The following KRT9 variants were observed in gnomAD, a reference collection of about 807,000 sequenced individuals.
KRT9 encodes keratin 9, also known as keratin, type I cytoskeletal 9.
A neutral mutation model predicts 51.4 loss-of-function variants in KRT9; 34 were observed. The ratio of observed to expected loss-of-function variants is 0.66; its 90% CI spans 0.50 to 0.88. The LOEUF is 0.88. Among genes scored for constraint, KRT9 ranks in the 40% least tolerant of loss-of-function variants. The pLI, the probability that KRT9 is intolerant of heterozygous loss-of-function variation, is 0.00. For synonymous variants in KRT9, 292 were observed against 289.7 expected, an observed-to-expected ratio of 1.01 and a Z score of -0.08; for missense variants, 753 against 790.3, an observed-to-expected ratio of 0.95 and a Z score of 0.57.
rs1218715941 is a variant in KRT9 at position 41,571,709 on chromosome 17, C to T, written c.284G>A (p.Arg95Lys). The change falls in exon 1 of 8, where the codon AGA becomes AAA. Residue 95 changes from arginine (R) to lysine (K), a missense_variant. This residue lies in a region of KRT9 where 241 missense variants were observed against 210.3 expected (regional missense o/e 1.15). Transcript: ENST00000246662. ...SLGGGFGGGS[R>K]GFGGASGGGY... ...TCCTCCAGAAGCACCACCAAAACCTCTGGAACCACCCCCAAAGCCACCGCC... is the reference window on the plus strand; with the variant it reads ...TCCTCCAGAAGCACCACCAAAACCTTTGGAACCACCCCCAAAGCCACCGCC... 7.5e-6 allele frequency: 12 copies of T among 1,610,612 alleles called. No homozygotes were observed. Among genetic ancestry groups the T allele is most frequent in the Non-Finnish European group, 1.0e-5 (12 of 1,178,472 alleles).
chr17:41,570,273 G>A (rs1361649501), intron 1 of KRT9, 53 bp from the exon 2 acceptor site: 5 of 1,495,602 alleles, frequency 3.3e-6, no homozygotes, highest in Non-Finnish European at 2.8e-6. Flanking sequence ...ACTGCTGAGA[G>A]GGCAAGAGGC....
Position 41,571,637 on chromosome 17 carries a change from GAACCACCACCAAAGCCACCTCCAA to G in KRT9, c.332_355del (p.Phe111_Gly118del). ...ATAGCCACCACCAAAGCCACCTCCA[GAACCACCACCAAAGCCACCTCCAA>G]AACCCCCAGAACTACTATAGCCTCC... is the stretch of plus-strand genomic sequence containing the variant. On this transcript the variant is annotated inframe_deletion, in exon 1 of 8. Coordinates refer to ENST00000246662, the MANE Select transcript of KRT9 (RefSeq NM_000226.4). The G allele has an allele frequency of 1.2e-6, 2 of 1,603,588 alleles. No homozygotes were observed. Among genetic ancestry groups the G allele is most frequent in the Non-Finnish European group, 1.7e-6 (2 of 1,175,070 alleles).
chr17:41,569,953 A>G lies in KRT9; in HGVS notation c.788T>C (p.Val263Ala), dbSNP rs750506189. The part of the protein sequence containing the change: ...VDADINGLRQ[V>A]LDNLTMEKSD... ...CTTCTCCATGGTCAGATTGTCCAGC[A>G]CCTGCCGCAGGCCATTGATGTCAGC... Residue 263 changes from valine (V) to alanine (A), a missense_variant, in exon 3 of 8, where the codon GTG (valine) becomes GCG (alanine). Val to Ala is a moderately conservative substitution (Grantham distance 64, BLOSUM62 0). Transcript: ENST00000246662. 1.9e-6 allele frequency: 3 copies of G among 1,612,986 alleles called. No homozygotes were observed. The Admixed American group carries it at 5.0e-5, about 27-fold the overall frequency.
Position 41,567,275 on chromosome 17 carries a change from AG to A in KRT9, c.1869del (p.Ter624SerfsTer?), listed in dbSNP as rs1285364339. On this transcript the variant is annotated frameshift_variant, in exon 7 of 8. Transcript: ENST00000246662. LOFTEE classifies it low-confidence loss of function (END_TRUNC). ...TCACCAGATTTTGAGGAAGAAGACT[AG>A]GAATGGGATGATTTTCCGCTTCCTC... The part of the protein sequence containing the change: ...YGGGSGKSSH[S>X] 1 of 1,613,924 alleles carries A rather than the reference AG, an allele frequency of 6.2e-7. No homozygotes were observed. Among genetic ancestry groups the A allele is most frequent in the African/African-American group, 1.3e-5 (1 of 74,852 alleles).
Position 41,571,471 on chromosome 17 carries a change from T to G in KRT9, c.522A>C (p.Leu174=). 6.2e-7 allele frequency: 1 copy of G among 1,614,000 alleles called. No homozygotes were observed. Among genetic ancestry groups the G allele is most frequent in the Non-Finnish European group, 8.5e-7 (1 of 1,179,982 alleles). Residue 174 remains leucine (L), a synonymous_variant, in exon 1 of 8, where the codon CTA becomes CTC. Transcript: ENST00000246662. ...LASYLDKVQA[L]EEANNDLENK... Reference sequence around the variant, plus strand: ...TCTCCAGGTCGTTGTTGGCCTCCTCTAGAGCCTGCACCTTATCCAAGTAAG... The same window carrying G: ...TCTCCAGGTCGTTGTTGGCCTCCTCGAGAGCCTGCACCTTATCCAAGTAAG...
chr17:41,570,198 T>C lies in KRT9; in HGVS notation c.665A>G (p.Asn222Ser). Residue 222 changes from asparagine (N) to serine (S), a missense_variant, in exon 2 of 8, where the codon AAC becomes AGC. Around this residue, in one of 3 missense-constraint regions of KRT9, gnomAD observed 507 missense variants for 563.7 expected, o/e 0.90. Coordinates refer to ENST00000246662, the MANE Select transcript of KRT9 (RefSeq NM_000226.4). ...KDQIVDLTVG[N>S]NKTLLDIDNT... ...GTCAATGTCCAGGAGAGTTTTGTTGTTGCCCACTGTCAGGTCCACAATCTG... is the reference window on the plus strand; with the variant it reads ...GTCAATGTCCAGGAGAGTTTTGTTGCTGCCCACTGTCAGGTCCACAATCTG... The C allele has an allele frequency of 1.2e-6, 2 of 1,614,098 alleles. No homozygotes were observed.
intron 7 of KRT9, among the ~76,000 whole-genome samples, chr17:41,566,383 T>TG (rs912016482): frequency 2.6e-5 from 4 of 152,172 alleles, no homozygotes; most frequent in Non-Finnish European, 5.9e-5. Flanking sequence ...AGTCTGAGGA[T>TG]GGGGGGCTTA....
In KRT9 at chr17:41,571,675, A is replaced by G. The variant is rs763644429; in HGVS notation, c.318T>C (p.Ser106=). Residue 106 remains serine, a synonymous_variant, in exon 1 of 8, where the codon AGT becomes AGC. Transcript: ENST00000246662. ...AGCCACCTCCAAAACCCCCAGAACT[A>G]CTATAGCCTCCTCCAGAAGCACCAC... The part of the protein sequence containing the change: ...GFGGASGGGY[S]SSGGFGGGFG... 6.2e-7 allele frequency: 1 copy of G among 1,604,588 alleles called. No homozygotes were observed. The highest frequency in any genetic ancestry group is 1.1e-5 in the South Asian group (1 of 89,950).
In KRT9 at chr17:41,567,404, C is replaced by T; in HGVS notation, c.1741G>A (p.Gly581Arg). 2 of 1,584,472 alleles carry T rather than the reference C, an allele frequency of 1.3e-6. No individual in the cohort carries two copies. Among genetic ancestry groups the T allele is most frequent in the African/African-American group, 1.3e-5 (1 of 74,194 alleles). The change falls in exon 7 of 8, where the codon GGA (glycine) becomes AGA (arginine). Residue 581 changes from glycine (G) to arginine (R), a missense_variant. Coordinates refer to ENST00000246662, the MANE Select transcript of KRT9 (RefSeq NM_000226.4). ...GYGGGSGSRG[G>R]SGGSHGGGSG... ...CCTCCACCATGGCTGCCTCCACTTC[C>T]TCCCCTGGACCCACTTCCTCCACCA...
chr17:41,569,936 T>C lies in KRT9; in HGVS notation c.805A>G (p.Met269Val), dbSNP rs765015206. 3.1e-6 allele frequency: 5 copies of C among 1,614,080 alleles called. No individual in the cohort carries two copies. The highest frequency in any genetic ancestry group is 1.3e-5 in the African/African-American group (1 of 74,932). ...GLRQVLDNLT[M>V]EKSDLEMQYE... ...TGCATCTCCAGGTCAGACTTCTCCA[T>C]GGTCAGATTGTCCAGCACCTGCCGC... Residue 269 changes from methionine (M) to valine (V), a missense_variant, in exon 3 of 8, where the codon ATG (methionine) becomes GTG (valine). Transcript: ENST00000246662.
rs760052508 is a variant in KRT9 at position 41,568,622 on chromosome 17, G to A, written c.1056C>T (p.Ile352=). The change falls in exon 5 of 8, where the codon ATC becomes ATT. Residue 352 remains isoleucine (I), a synonymous_variant. Coordinates refer to ENST00000246662, the MANE Select transcript of KRT9 (RefSeq NM_000226.4). ...ENQYETQITQ[I]EHEVSSSGQE... ...GACCACTACTGGATACCTCATGCTCGATCTGGGTTATCTGCAAAACCAAAG... is the reference window on the plus strand; with the variant it reads ...GACCACTACTGGATACCTCATGCTCAATCTGGGTTATCTGCAAAACCAAAG... 32 of 1,613,990 alleles carry A rather than the reference G, an allele frequency of 2.0e-5. No individual in the cohort carries two copies. The East Asian group carries it at 3.3e-4, about 17-fold the overall frequency.
At position 41,571,848 on chromosome 17, in the gene KRT9, A is replaced by G; in HGVS notation, c.145T>C (p.Ser49Pro). 6.2e-7 allele frequency: 1 copy of G among 1,612,020 alleles called. No homozygotes were observed. The highest frequency in any genetic ancestry group is 8.5e-7 in the Non-Finnish European group (1 of 1,178,912). ...GGGGGGGRFS[S>P]SSGYGGGSSR... Reference sequence around the variant, plus strand: ...CTTCCCCCACCATAGCCACTAGAAGAGCTGAATCGGCCCCCTCCTCCACCG... The same window carrying G: ...CTTCCCCCACCATAGCCACTAGAAGGGCTGAATCGGCCCCCTCCTCCACCG... The change falls in exon 1 of 8, where the codon TCT (serine) becomes CCT (proline). Residue 49 changes from serine to proline, a missense_variant. Transcript: ENST00000246662.
Position 41,567,293 on chromosome 17 carries a change from C to T in KRT9, c.1852G>A (p.Gly618Arg), listed in dbSNP as rs776803750. 9.9e-6 allele frequency: 16 copies of T among 1,614,072 alleles called. No individual in the cohort carries two copies. The highest frequency in any genetic ancestry group is 1.2e-5 in the Non-Finnish European group (14 of 1,180,030). Residue 618 changes from glycine to arginine, a missense_variant, in exon 7 of 8, where the codon GGA (glycine) becomes AGA (arginine). Around this residue, in one of 3 missense-constraint regions of KRT9, gnomAD observed 507 missense variants for 563.7 expected, o/e 0.90. Coordinates refer to ENST00000246662, the MANE Select transcript of KRT9 (RefSeq NM_000226.4). ...GSGGGYGGGS[G>R]KSSHS ...GAAGACTAGGAATGGGATGATTTTC[C>T]GCTTCCTCCTCCGTAGCCGCCACCA...
intron 3 of KRT9, 118 bp from the exon 4 acceptor site, chr17:41,569,705 C>T: frequency 1.4e-6 from 2 of 1,479,658 alleles, no homozygotes; most frequent in South Asian, 2.3e-5. Context: ...AGCCAAAGCC[C>T]AACCACTACC....
Position 41,568,247 on chromosome 17 carries a change from A to G in KRT9, c.1309T>C (p.Tyr437His), listed in dbSNP as rs1440651179. 1.2e-6 allele frequency: 2 copies of G among 1,614,094 alleles called. No individual in the cohort carries two copies. Among genetic ancestry groups the G allele is most frequent in the Non-Finnish European group, 1.7e-6 (2 of 1,180,022 alleles). Residue 437 changes from tyrosine to histidine, a missense_variant, in exon 6 of 8, where the codon TAC becomes CAC. Transcript: ENST00000246662. ...ATCTTAATGCTGAGCAGAAGGCTGTATTCCTGATTCTGGCACTCGATCTCT... is the reference window on the plus strand; with the variant it reads ...ATCTTAATGCTGAGCAGAAGGCTGTGTTCCTGATTCTGGCACTCGATCTCT... The part of the protein sequence containing the change: ...RQEIECQNQE[Y>H]SLLLSIKMRL...
Position 41,571,942 on chromosome 17 carries a change from AC to A in KRT9, c.50del (p.Gly17ValfsTer12). 4 of 1,557,556 alleles carry A rather than the reference AC, an allele frequency of 2.6e-6. No homozygotes were observed. The highest frequency in any genetic ancestry group is 3.5e-6 in the Non-Finnish European group (4 of 1,153,944). ...SSSYLSRSGG[G>X]GGGGLGSGGS... ...CCCCGCTGCCCAGGCCGCCCCCGCCACCCCCGCCGCTGCGGCTCAAGTAGGA... is the reference window on the plus strand; with the variant it reads ...CCCCGCTGCCCAGGCCGCCCCCGCCACCCCGCCGCTGCGGCTCAAGTAGGA... On this transcript the variant is annotated frameshift_variant, in exon 1 of 8. Coordinates refer to ENST00000246662, the MANE Select transcript of KRT9 (RefSeq NM_000226.4). LOFTEE classifies it high-confidence loss of function.
rs1407417785 is a variant in KRT9, at chr17:41,571,541, G to A, written c.452C>T (p.Ala151Val). Residue 151 changes from alanine (A) to valine (V), a missense_variant, in exon 1 of 8, where the codon GCT (alanine) becomes GTT (valine). Physicochemically the swap from Ala to Val is moderately conservative, Grantham distance 64. Around this residue, in one of 3 missense-constraint regions of KRT9, gnomAD observed 241 missense variants for 210.3 expected, o/e 1.15. Transcript: ENST00000246662. ...AGGGDGGILT[A>V]NEKSTMQELN... ...TTCCTGCATGGTGCTCTTCTCATTA[G>A]CAGTCAGAATACCACCATCACCTCC... 2.5e-6 allele frequency: 4 copies of A among 1,613,740 alleles called. No individual in the cohort carries two copies. The South Asian group carries it at 4.4e-5, about 18-fold the overall frequency.
rs750424715 is a variant in KRT9, at chr17:41,571,701, C to A, written c.292G>T (p.Gly98Cys). 6.2e-7 allele frequency: 1 copy of A among 1,609,056 alleles called. No homozygotes were observed. The highest frequency in any genetic ancestry group is 1.1e-5 in the South Asian group (1 of 90,350). Residue 98 changes from glycine (G) to cysteine (C), a missense_variant, in exon 1 of 8, where the codon GGT becomes TGT. By Grantham distance (159) the Gly-to-Cys change is radical. This residue lies in a region of KRT9 where 241 missense variants were observed against 210.3 expected (regional missense o/e 1.15). Transcript: ENST00000246662. ...CTATAGCCTCCTCCAGAAGCACCAC[C>A]AAAACCTCTGGAACCACCCCCAAAG... ...GGFGGGSRGFGGASGGGYSSS... is the reference protein window; with the variant it reads ...GGFGGGSRGFCGASGGGYSSS...
In KRT9 at chr17:41,571,818, G is replaced by C. The variant is rs747867129; in HGVS notation, c.175C>G (p.Arg59Gly). The change falls in exon 1 of 8, where the codon CGT (arginine) becomes GGT (glycine). Residue 59 changes from arginine (R) to glycine (G), a missense_variant. Physicochemically the swap from Arg to Gly is moderately radical, Grantham distance 125. Transcript: ENST00000246662. Reference protein sequence around the residue: ...SSSGYGGGSSRVCGRGGGGSF... With the variant: ...SSSGYGGGSSGVCGRGGGGSF... ...CCACCGCCTCCCCTCCCACAGACACGAGAGCTTCCCCCACCATAGCCACTA... is the reference window on the plus strand; with the variant it reads ...CCACCGCCTCCCCTCCCACAGACACCAGAGCTTCCCCCACCATAGCCACTA... 1 of 1,612,530 alleles carries C rather than the reference G, an allele frequency of 6.2e-7. No individual in the cohort carries two copies. The highest frequency in any genetic ancestry group is 2.2e-5 in the East Asian group (1 of 44,826).
Sources: allele counts gnomAD v4.1 joint callset (sites outside exome capture counted in the v4.1 genomes callset), GRCh38; gene constraint gnomAD v4.1.1; regional missense constraint gnomAD v4.1.1; transcripts MANE v1.5; gene names NCBI Gene and HGNC (gene_info 2026-07-23, HGNC 2026-07-21).